SF3B3: variants seen among roughly 807,000 people sequenced by gnomAD.
SF3B3 encodes SAP 130.
In SF3B3, 33 loss-of-function variants were observed where a neutral mutation model predicts 139.2. That is an observed-to-expected ratio of 0.24 (90% CI 0.18 to 0.32). SF3B3 has a LOEUF of 0.32. SF3B3 is among the 10% of genes least tolerant of loss of function. The probability of loss-of-function intolerance (pLI) is 1.00; values close to 1 mark genes in which losing one functional copy is unlikely to be tolerated. For missense variants in SF3B3, 818 were observed against 1,509.4 expected, an observed-to-expected ratio of 0.54 and a Z score of 7.59; for synonymous variants, 596 against 563.6, an observed-to-expected ratio of 1.06 and a Z score of -0.81.
At chr16:70,534,868 C>A (rs575610796) in intron 5 of SF3B3, among the ~76,000 whole-genome samples, 1 of 152,068 alleles carries the variant, frequency 6.6e-6, no homozygotes, top group African/African-American at 2.4e-5. Flanking sequence ...GGGATTTCAC[C>A]GTGTTGGCCA....
rs117773673 is a variant in SF3B3, at chr16:70,537,378, A to G, written c.826-945A>G. On this transcript the variant is annotated intron_variant, in intron 6 of 25. Coordinates refer to ENST00000302516, the MANE Select transcript of SF3B3 (RefSeq NM_012426.5). ...ATGGAATTTGATGGTGATCTTTGAGACTAATGAATATCCCTCTTCCTGAGA... is the reference window on the plus strand; with the variant it reads ...ATGGAATTTGATGGTGATCTTTGAGGCTAATGAATATCCCTCTTCCTGAGA... 5.4e-3 allele frequency among the ~76,000 whole-genome samples: 820 copies of G among 152,220 alleles called. 6 individuals are homozygous for G. Among genetic ancestry groups the G allele is most frequent in the Non-Finnish European group, 7.1e-3 (486 of 68,008 alleles).
Position 70,541,889 on chromosome 16 carries a change from T to C in SF3B3, c.1233+55T>C, listed in dbSNP as rs868776552. 18 of 1,458,160 alleles carry C rather than the reference T, an allele frequency of 1.2e-5. No individual in the cohort carries two copies. The Middle Eastern group carries it at 8.9e-4, about 72-fold the overall frequency. The allele number at this position is 1,458,160 out of a possible 1,614,324, so 90.3% of individuals were successfully genotyped here. A position where few individuals can be genotyped will look rare whatever the true frequency, so the allele number is the denominator to read the frequency against. On this transcript the variant is annotated intron_variant, in intron 9 of 25. Transcript: ENST00000302516. ...ATAGATCTAAAGTTAAACTGAGGTCTAGTCTAAGAAATAGCTTTATTAGTA... is the reference window on the plus strand; with the variant it reads ...ATAGATCTAAAGTTAAACTGAGGTCCAGTCTAAGAAATAGCTTTATTAGTA...
chr16:70,546,015 T>C (rs1597714427), intron 10 of SF3B3, among the ~76,000 whole-genome samples: 1 of 152,228 alleles, frequency 6.6e-6, no homozygotes, highest in Non-Finnish European at 1.5e-5. Context: ...TTTTTTTGAG[T>C]GCAGTGGTGA....
chr16:70,561,467 C>T (rs1050604720), intron 16 of SF3B3, 163 bp from the exon 17 acceptor site: 8 of 626,402 alleles, frequency 1.3e-5, no homozygotes, highest in Admixed American at 2.9e-5. Context: ...AGCCATAGTG[C>T]CTCTCTCTAG....
chr16:70,567,309 T>G (rs1381420546), intron 20 of SF3B3, 102 bp from the exon 21 acceptor site: 1 of 1,314,072 alleles, frequency 7.6e-7, no homozygotes, highest in African/African-American at 1.5e-5. Flanking sequence ...GTGTGTTTCT[T>G]AATGATAGGC....
intron 12 of SF3B3, 41 bp from the exon 13 acceptor site, chr16:70,555,010 C>G (rs1255936106): frequency 6.3e-7 from 1 of 1,595,582 alleles, no homozygotes; most frequent in East Asian, 2.2e-5. Context: ...AGTGATGAAT[C>G]AAATTGTTAA....
At chr16:70,539,752 T>C (rs1418825849) in intron 8 of SF3B3, among the ~76,000 whole-genome samples, 1 of 151,762 alleles carries the variant, frequency 6.6e-6, no homozygotes, top group Non-Finnish European at 1.5e-5. Context: ...TCTTCTGAGC[T>C]TTTTGCTGAA....
At chr16:70,555,029 T>G in intron 12 of SF3B3, 22 bp from the exon 13 acceptor site, 1 of 1,608,636 alleles carries the variant, frequency 6.2e-7, no homozygotes, top group Middle Eastern at 1.7e-4. Flanking sequence ...AAAGTCAGGT[T>G]TCTTTCTGTT....
chr16:70,563,162 G>A (rs1188182022), intron 17 of SF3B3, among the ~76,000 whole-genome samples: 1 of 151,994 alleles, frequency 6.6e-6, no homozygotes, highest in Non-Finnish European at 1.5e-5. Context: ...CAGAGTTGGT[G>A]TTTCACCATG....
chr16:70,558,870 T>C (rs763280739), intron 15 of SF3B3, among the ~76,000 whole-genome samples: 1 of 152,226 alleles, frequency 6.6e-6, no homozygotes, highest in Non-Finnish European at 1.5e-5. Flanking sequence ...GGGCTGGGAT[T>C]ACAGGTGTGA....
intron 9 of SF3B3, among the ~76,000 whole-genome samples, chr16:70,543,365 A>G (rs71401814): frequency 0.48 from 72,511 of 150,440 alleles, 17,871 homozygotes; most frequent in South Asian, 0.65. Context: ...AGCTGAGATC[A>G]CACCATTGTA....
intron 20 of SF3B3, among the ~76,000 whole-genome samples, chr16:70,566,474 A>C (rs931963153): frequency 6.6e-6 from 1 of 151,900 alleles, no homozygotes; most frequent in Non-Finnish European, 1.5e-5. Flanking sequence ...AGGCAGGAGA[A>C]TCACTTGAAC....
chr16:70,567,076 T>C (rs1476626624), intron 20 of SF3B3, among the ~76,000 whole-genome samples: 1 of 151,918 alleles, frequency 6.6e-6, no homozygotes, highest in Non-Finnish European at 1.5e-5. Flanking sequence ...AAGTCACTTT[T>C]CACTAGCATT....
In SF3B3 at chr16:70,556,768, G is replaced by C. The variant is rs1423721284; in HGVS notation, c.1867-118G>C. The C allele has an allele frequency of 7.3e-6, 8 of 1,095,656 alleles. No homozygotes were observed. In the East Asian group the frequency reaches 1.8e-4, roughly 24 times the overall value. 67.9% of individuals were successfully genotyped at this position (1,095,656 alleles called of 1,614,324 possible). ...AGTACTCTCTTAGAACTCACTCCCCGGGTTTTTTCTGTGCATAAGGAAGTA... is the reference window on the plus strand; with the variant it reads ...AGTACTCTCTTAGAACTCACTCCCCCGGTTTTTTCTGTGCATAAGGAAGTA... On this transcript the variant is annotated intron_variant, in intron 14 of 25. Transcript: ENST00000302516.
At chr16:70,528,851 T>A (rs781617282) in intron 2 of SF3B3, 22 bp from the exon 3 acceptor site, 4 of 1,573,116 alleles carry the variant, frequency 2.5e-6, no homozygotes, top group Non-Finnish European at 3.5e-6. Flanking sequence ...TTGTTTATGA[T>A]CTTTATTTTT....
At chr16:70,559,922 G>A (rs944669687) in intron 15 of SF3B3, among the ~76,000 whole-genome samples, 7 of 48,040 alleles carry the variant, frequency 1.5e-4, no homozygotes, top group South Asian at 1.6e-3. Flanking sequence ...TGAGGGGTGC[G>A]GGGGGGTGGT....
At chr16:70,543,726 T>G (rs1196918643) in intron 9 of SF3B3, among the ~76,000 whole-genome samples, 1 of 151,976 alleles carries the variant, frequency 6.6e-6, no homozygotes, top group African/African-American at 2.4e-5. Flanking sequence ...ATAAAATAAA[T>G]AAAATGAATG....
chr16:70,541,532 A>C (rs1186310691), intron 8 of SF3B3, 137 bp from the exon 9 acceptor site: 2 of 652,872 alleles, frequency 3.1e-6, no homozygotes, highest in African/African-American at 3.6e-5. Context: ...TAGCTGTCGT[A>C]CTTAGTGATA....
At chr16:70,526,437 A>T in intron 1 of SF3B3, 150 bp from the exon 2 acceptor site, 1 of 502,104 alleles carries the variant, frequency 2.0e-6, no homozygotes, top group Non-Finnish European at 3.5e-6. Flanking sequence ...CGAACTCCTG[A>T]CCTCGTGAGC....
Sources: allele counts gnomAD v4.1 joint callset (sites outside exome capture counted in the v4.1 genomes callset), GRCh38; gene constraint gnomAD v4.1.1; transcripts MANE v1.5; gene names NCBI Gene and HGNC (gene_info 2026-07-23, HGNC 2026-07-21).